Variants in ADAMTS9 observed in about 807,000 individuals in gnomAD.
ADAMTS9 encodes ADAM metallopeptidase with thrombospondin type 1 motif 9, also known as A disintegrin and metalloproteinase with thrombospondin motifs 9.
ADAMTS9 carries 107 observed loss-of-function variants against 257.1 expected under a neutral mutation model. The ratio of observed to expected loss-of-function variants is 0.42; its 90% CI spans 0.36 to 0.49. The LOEUF (loss-of-function observed/expected upper bound fraction) is 0.49, where lower values mean the gene tolerates loss of function less well. Ranked by LOEUF, ADAMTS9 falls within the 20% of genes least tolerant of loss-of-function variation. The pLI, the probability that ADAMTS9 is intolerant of heterozygous loss-of-function variation, is 0.03. For synonymous variants in ADAMTS9, 982 were observed against 880.9 expected (o/e 1.11, Z -2.03); for missense variants, 2,353 against 2,469.1 (o/e 0.95, Z 1.00).
In ADAMTS9 at chr3:64,686,118, C is replaced by G. The variant is rs1318979456; in HGVS notation, c.516+450G>C. 6.6e-6 allele frequency among the ~76,000 whole-genome samples: 1 copy of G among 152,214 alleles called. No individual in the cohort carries two copies. The highest frequency in any genetic ancestry group is 1.5e-5 in the Non-Finnish European group (1 of 68,042). ...TCCACAACACACACTGAAGGAACTCCCAGTGCCTTGGGCAGGGGATCCTCA... is the reference window on the plus strand; with the variant it reads ...TCCACAACACACACTGAAGGAACTCGCAGTGCCTTGGGCAGGGGATCCTCA... On this transcript the variant is annotated intron_variant, in intron 2 of 39. Coordinates refer to ENST00000498707, the MANE Select transcript of ADAMTS9 (RefSeq NM_182920.2). This position sits in a 1 kb window ranked among gnomAD's most constrained non-coding sequence, Gnocchi z 4.6.
At chr3:64,542,135 C>A (rs900472197) in intron 32 of ADAMTS9, among the ~76,000 whole-genome samples, 165 bp from the exon 33 acceptor site, 1 of 152,080 alleles carries the variant, frequency 6.6e-6, no homozygotes, top group South Asian at 2.1e-4. Context: ...TTACTATGGG[C>A]CAGTCCCTGT....
At chr3:64,680,240 T>G (rs1164461222) in intron 3 of ADAMTS9, among the ~76,000 whole-genome samples, 1 of 152,198 alleles carries the variant, frequency 6.6e-6, no homozygotes, top group Admixed American at 6.5e-5. Flanking sequence ...CTGGTGGTCT[T>G]GAATTTAGGC....
intron 28 of ADAMTS9, among the ~76,000 whole-genome samples, chr3:64,573,371 G>A (rs2083747986): frequency 6.6e-6 from 1 of 152,142 alleles, no homozygotes. Flanking sequence ...CACAGGACTG[G>A]CTGATAGCAG....
In ADAMTS9 at chr3:64,687,707, C is replaced by T. The variant is rs1248777273; in HGVS notation, c.-50G>A. 2 of 1,358,852 alleles carry T rather than the reference C, an allele frequency of 1.5e-6. No homozygotes were observed. The highest frequency in any genetic ancestry group is 9.8e-7 in the Non-Finnish European group (1 of 1,019,956). 84.2% of individuals were successfully genotyped at this position (1,358,852 alleles called of 1,614,324 possible). On this transcript the variant is annotated 5_prime_UTR_variant, in exon 1 of 40. Transcript: ENST00000498707. This position sits in a 1 kb window ranked among gnomAD's most constrained non-coding sequence, Gnocchi z 4.4. ...TGCCCCCACCCCCCTCCCTCCTGCC[C>T]TCCTTGGCTGCGGCGGCGACGCGAG...
intron 12 of ADAMTS9, among the ~76,000 whole-genome samples, chr3:64,641,321 T>C (rs1700634273): frequency 6.6e-6 from 1 of 152,032 alleles, no homozygotes. Context: ...TTTATTTTTA[T>C]TTTTTATTAT....
chr3:64,626,625 CTCAGACT>C (rs1700228203), intron 16 of ADAMTS9, among the ~76,000 whole-genome samples: 1 of 152,136 alleles, frequency 6.6e-6, no homozygotes, highest in African/African-American at 2.4e-5. Context: ...ACTCTAAAAG[CTCAGACT>C]TCACCACTAC....
At position 64,601,897 on chromosome 3, in the gene ADAMTS9, C is replaced by T. The variant is rs201641002; in HGVS notation, c.4017+47G>A. ...GTTTCTAGTCTCTTTTACCCTAAAC[C>T]CAACCTCAAGTGAAAGAGAAGCAAG... On this transcript the variant is annotated intron_variant, in intron 26 of 39. Transcript: ENST00000498707. 9.7e-6 allele frequency: 15 copies of T among 1,542,908 alleles called. No individual in the cohort carries two copies. In the African/African-American group the frequency reaches 1.9e-4, roughly 20 times the overall value.
At chr3:64,619,366 A>G (rs1250819150) in intron 19 of ADAMTS9, among the ~76,000 whole-genome samples, 1 of 152,186 alleles carries the variant, frequency 6.6e-6, no homozygotes, top group Non-Finnish European at 1.5e-5. Flanking sequence ...AATAGAATCC[A>G]TGAGTAACAC....
At chr3:64,627,616 T>C (rs760979715) in intron 16 of ADAMTS9, among the ~76,000 whole-genome samples, 1 of 152,140 alleles carries the variant, frequency 6.6e-6, no homozygotes, top group Non-Finnish European at 1.5e-5. Context: ...CCTGCTTTGG[T>C]ACTTTGTGAA....
chr3:64,631,420 C>T (rs377444996), intron 16 of ADAMTS9, 35 bp downstream of exon 16: 4 of 1,554,252 alleles, frequency 2.6e-6, no homozygotes, highest in Non-Finnish European at 3.6e-6. Context: ...CTCCATAGAA[C>T]CAGAACTCGC....
At chr3:64,555,006 T>A (rs1486375332) in intron 30 of ADAMTS9, among the ~76,000 whole-genome samples, 1 of 152,148 alleles carries the variant, frequency 6.6e-6, no homozygotes, top group Non-Finnish European at 1.5e-5. Context: ...TCCCTAACCA[T>A]GGGGGGAAGA....
chr3:64,530,526 TA>T (rs55726329), intron 38 of ADAMTS9, among the ~76,000 whole-genome samples: 8,392 of 116,592 alleles, frequency 0.072, 588 homozygotes, highest in Admixed American at 0.25. Flanking sequence ...CACCAAGATT[TA>T]AAAAAAAAAA....
chr3:64,629,240 C>G (rs531302637), intron 16 of ADAMTS9, among the ~76,000 whole-genome samples: 2 of 152,262 alleles, frequency 1.3e-5, no homozygotes, highest in South Asian at 4.2e-4. Context: ...GTACACACTT[C>G]CCCCACCATC....
At chr3:64,622,664 T>G in intron 16 of ADAMTS9, 78 bp from the exon 17 acceptor site, 1 of 1,512,052 alleles carries the variant, frequency 6.6e-7, no homozygotes, top group African/African-American at 1.4e-5. Flanking sequence ...AACATCTGGA[T>G]AGGTAGAGAG....
At position 64,644,576 on chromosome 3, in the gene ADAMTS9, A is replaced by C. The variant is rs181083594; in HGVS notation, c.1711-2583T>G. ...GGATAGAGGTGGTCAGAGAGATGTAAGCAGAATTCACTGGGTAGGATTCCT... is the reference window on the plus strand; with the variant it reads ...GGATAGAGGTGGTCAGAGAGATGTACGCAGAATTCACTGGGTAGGATTCCT... On this transcript the variant is annotated intron_variant, in intron 11 of 39. Transcript: ENST00000498707. Among the ~76,000 whole-genome samples, 239 of 152,294 alleles carry C rather than the reference A, an allele frequency of 1.6e-3. 1 individual carries two copies. Among genetic ancestry groups the C allele is most frequent in the African/African-American group, 5.5e-3 (228 of 41,564 alleles).
intron 11 of ADAMTS9, among the ~76,000 whole-genome samples, chr3:64,643,070 C>G (rs552034866): frequency 2.0e-5 from 3 of 152,166 alleles, no homozygotes; most frequent in African/African-American, 7.2e-5. Context: ...TCTGAGGGCA[C>G]GTCCCTTTCC....
intron 23 of ADAMTS9, among the ~76,000 whole-genome samples, chr3:64,605,120 T>C (rs1232702932): frequency 1.3e-5 from 2 of 152,210 alleles, no homozygotes; most frequent in Non-Finnish European, 2.9e-5. Context: ...ATGTGAAATT[T>C]TGTTACGTGG....
At chr3:64,525,970 T>C (rs921613986) in intron 38 of ADAMTS9, among the ~76,000 whole-genome samples, 2 of 147,914 alleles carry the variant, frequency 1.4e-5, no homozygotes, top group Non-Finnish European at 3.0e-5. Flanking sequence ...ATAAAATTTA[T>C]GTATAAAATT....
At position 64,622,569 on chromosome 3, in the gene ADAMTS9, CT is replaced by C; in HGVS notation, c.2406del (p.Gly803ValfsTer5). The stretch of plus-strand genomic sequence containing the variant: ...AAGTTTCCATTTAGCAAGAATTCAC[CT>C]TTACTGCTTGATAAAGCTGTAGGTG... ...DDNYLALSSS[K>X]GEFLLNGNFV... On this transcript the variant is annotated frameshift_variant, in exon 17 of 40. Transcript: ENST00000498707. LOFTEE classifies it high-confidence loss of function. 1 of 1,613,996 alleles carries C rather than the reference CT, an allele frequency of 6.2e-7. No homozygotes were observed. The highest frequency in any genetic ancestry group is 8.5e-7 in the Non-Finnish European group (1 of 1,179,960).
Sources: allele counts gnomAD v4.1 joint callset (sites outside exome capture counted in the v4.1 genomes callset), GRCh38; gene constraint gnomAD v4.1.1; non-coding constraint Gnocchi (gnomAD v3.1); transcripts MANE v1.5; gene names NCBI Gene and HGNC (gene_info 2026-07-23, HGNC 2026-07-21).